The following ST7 variants were observed in gnomAD, a reference collection of about 807,000 sequenced individuals.
ST7 encodes the protein suppressor of tumorigenicity 7 protein.
In ST7, 28 loss-of-function variants were observed where a neutral mutation model predicts 78.7. The observed-to-expected ratio is 0.36, with a 90% CI of 0.26 to 0.49. The LOEUF (loss-of-function observed/expected upper bound fraction) is 0.49, where lower values mean the gene tolerates loss of function less well. ST7 is among the 20% of genes least tolerant of loss of function. The pLI is 0.99. For missense variants in ST7, 418 were observed against 696.0 expected, an observed-to-expected ratio of 0.60 and a Z score of 4.49; for synonymous variants, 247 against 249.6, an observed-to-expected ratio of 0.99 and a Z score of 0.10.
At chr7:117,224,518 A>G (rs1793317076) in intron 15 of ST7, among the ~76,000 whole-genome samples, 2 of 152,240 alleles carry the variant, frequency 1.3e-5, no homozygotes, top group Non-Finnish European at 2.9e-5. Flanking sequence ...GAATATATTT[A>G]CATTAAACAA....
chr7:116,994,006 A>G (rs1264105948), intron 1 of ST7, among the ~76,000 whole-genome samples: 1 of 152,236 alleles, frequency 6.6e-6, no homozygotes, highest in African/African-American at 2.4e-5. Flanking sequence ...ATGCTAAAAT[A>G]TATCATATCA....
At chr7:117,137,957 C>T (rs895058594) in intron 8 of ST7, among the ~76,000 whole-genome samples, 1 of 152,048 alleles carries the variant, frequency 6.6e-6, no homozygotes, top group African/African-American at 2.4e-5. Context: ...CTAAAATCAA[C>T]TGCTTAGGGG....
chr7:117,057,755 T>C (rs1024608901), intron 1 of ST7, among the ~76,000 whole-genome samples: 12 of 152,204 alleles, frequency 7.9e-5, no homozygotes, highest in Non-Finnish European at 1.3e-4. Context: ...AGTGATATAG[T>C]AGAGTGAGGG....
At chr7:117,200,359 A>G (rs1422550246) in intron 12 of ST7, among the ~76,000 whole-genome samples, 3 of 152,154 alleles carry the variant, frequency 2.0e-5, no homozygotes, top group Non-Finnish European at 2.9e-5. Flanking sequence ...GGTCCCACCC[A>G]TAGAGGAGGA....
Position 116,953,677 on chromosome 7 carries a change from A to T in ST7, c.137A>T (p.Asp46Val), listed in dbSNP as rs571378922. ...CTGCGGGTGCCTTTGAAAATCAACG[A>T]CAACTTGAGCACAGGTAAGGCCTGG... is the stretch of plus-strand genomic sequence containing the variant. ...YILRVPLKINDNLSTVSMFLN... is the reference protein window; with the variant it reads ...YILRVPLKINVNLSTVSMFLN... Residue 46 changes from aspartate (D) to valine (V), a missense_variant, in exon 1 of 16, where the codon GAC (aspartate) becomes GTC (valine). Coordinates refer to ENST00000323984, the MANE Select transcript of ST7 (RefSeq NM_001369598.1). 8.0e-6 allele frequency: 12 copies of T among 1,494,838 alleles called. No individual in the cohort carries two copies. Among genetic ancestry groups the T allele is most frequent in the Non-Finnish European group, 9.0e-6 (10 of 1,108,542 alleles). 92.6% of individuals were successfully genotyped at this position (1,494,838 alleles called of 1,614,324 possible).
intron 1 of ST7, chr7:116,958,741 A>C (rs1286104570): frequency 4.3e-6 from 2 of 467,944 alleles, no homozygotes; most frequent in Admixed American, 2.4e-5. Context: ...TAGTCACACT[A>C]TATTGTATTA....
In ST7 at chr7:117,131,913, C is replaced by T. The variant is rs1267494094; in HGVS notation, c.594C>T (p.Asn198=). 6.2e-7 allele frequency: 1 copy of T among 1,611,134 alleles called. No individual in the cohort carries two copies. The highest frequency in any genetic ancestry group is 2.2e-5 in the East Asian group (1 of 44,816). Residue 198 remains asparagine, a synonymous_variant, in exon 6 of 16, where the codon AAC becomes AAT. Coordinates refer to ENST00000323984, the MANE Select transcript of ST7 (RefSeq NM_001369598.1). ...TGCAGAAAGCCTGGAGAGAGAGAAA[C>T]CCCCAAGCTAGGATTTCTGCAGCTC... ...AIMQKAWRER[N]PQARISAAHE... is the part of the protein sequence containing the mutation.
At chr7:117,179,815 G>T (rs931095434) in intron 10 of ST7, among the ~76,000 whole-genome samples, 2 of 152,066 alleles carry the variant, frequency 1.3e-5, no homozygotes, top group Non-Finnish European at 2.9e-5. Flanking sequence ...AGTGAAGGGG[G>T]TGGCACAATA....
chr7:117,123,236 A>G (rs1403256763), intron 3 of ST7, among the ~76,000 whole-genome samples: 1 of 152,212 alleles, frequency 6.6e-6, no homozygotes, highest in Non-Finnish European at 1.5e-5. Flanking sequence ...ATTGTTCTAT[A>G]TGAAAATTCA....
chr7:117,083,788 T>C (rs1265207141), intron 1 of ST7, among the ~76,000 whole-genome samples: 2 of 152,216 alleles, frequency 1.3e-5, no homozygotes, highest in Admixed American at 1.3e-4. Context: ...ATGTTTGTTT[T>C]GTGGCTCAGC....
At chr7:117,094,950 G>A (rs1036138756) in intron 1 of ST7, among the ~76,000 whole-genome samples, 8 of 151,728 alleles carry the variant, frequency 5.3e-5, no homozygotes, top group Non-Finnish European at 8.8e-5. Context: ...TCATATTTTA[G>A]CAAAGCATTA....
chr7:117,203,365 A>T (rs539304714), intron 12 of ST7, among the ~76,000 whole-genome samples: 18 of 152,296 alleles, frequency 1.2e-4, no homozygotes, highest in African/African-American at 4.1e-4. Flanking sequence ...AGTGTTAAGG[A>T]GTTACTGAGA....
intron 2 of ST7, among the ~76,000 whole-genome samples, chr7:117,108,476 C>T (rs1020517124): frequency 6.6e-6 from 1 of 152,124 alleles, no homozygotes; most frequent in Non-Finnish European, 1.5e-5. Flanking sequence ...TAGTACCAAG[C>T]TGTTTTGGTG....
In ST7 at chr7:117,005,129, A is replaced by G. The variant is rs980116621; in HGVS notation, c.151+51438A>G. The stretch of plus-strand genomic sequence containing the variant: ...AAAGAAAGATATACACATTCCTAGA[A>G]TCTTTTACATTCCCAGTGAAATGCC... On this transcript the variant is annotated intron_variant, in intron 1 of 15. Transcript: ENST00000323984. Among the ~76,000 whole-genome samples, 4 of 152,292 alleles carry G rather than the reference A, an allele frequency of 2.6e-5. No homozygotes were observed. The East Asian group carries it at 7.7e-4, about 29-fold the overall frequency.
intron 1 of ST7, among the ~76,000 whole-genome samples, chr7:116,977,179 T>G (rs1438758082): frequency 6.6e-6 from 1 of 152,226 alleles, no homozygotes; most frequent in Non-Finnish European, 1.5e-5. Context: ...GTTCTAACAT[T>G]CTGATTCTGT....
chr7:117,097,908 A>ATATATATTTTTTTTTTTTTTTT, intron 1 of ST7, among the ~76,000 whole-genome samples: 1 of 30,012 alleles, frequency 3.3e-5, no homozygotes, highest in Non-Finnish European at 5.4e-5. Flanking sequence ...ATATATATAT[A>ATATATATTTTTTTTTTTTTTTT]TTTTTTTTTT....
At chr7:116,973,353 G>C (rs1272622389) in intron 1 of ST7, among the ~76,000 whole-genome samples, 2 of 152,086 alleles carry the variant, frequency 1.3e-5, no homozygotes, top group East Asian at 3.9e-4. Context: ...GACCTCCCAG[G>C]CTCAAGCAAT....
intron 9 of ST7, among the ~76,000 whole-genome samples, chr7:117,159,716 T>C (rs1344477046): frequency 6.6e-6 from 1 of 152,066 alleles, no homozygotes; most frequent in Non-Finnish European, 1.5e-5. Flanking sequence ...ATTGTGCAAC[T>C]AAAAAATGAA....
At chr7:117,032,146 T>C (rs1796634129) in intron 1 of ST7, among the ~76,000 whole-genome samples, 1 of 151,934 alleles carries the variant, frequency 6.6e-6, no homozygotes, top group Non-Finnish European at 1.5e-5. Context: ...CCTCCCAAAG[T>C]GCTGGGATTA....
Sources: allele counts gnomAD v4.1 joint callset (sites outside exome capture counted in the v4.1 genomes callset), GRCh38; gene constraint gnomAD v4.1.1; transcripts MANE v1.5; gene names NCBI Gene and HGNC (gene_info 2026-07-23, HGNC 2026-07-21).